SBF2: variants seen among roughly 807,000 people sequenced by gnomAD.
SBF2 encodes myotubularin-related protein 13.
Under a neutral mutation model 225.2 loss-of-function variants are expected in SBF2, and 112 were observed. The observed-to-expected ratio is 0.50, with a 90% CI of 0.43 to 0.58. The LOEUF (loss-of-function observed/expected upper bound fraction) is 0.58, where lower values mean the gene tolerates loss of function less well. SBF2 is among the 20% of genes least tolerant of loss of function. The probability of loss-of-function intolerance (pLI) is 0.00; values close to 1 mark genes in which losing one functional copy is unlikely to be tolerated. For synonymous variants in SBF2, 763 were observed against 773.3 expected (o/e 0.99, Z 0.22); for missense variants, 1,996 against 2,206.2 (o/e 0.90, Z 1.91).
At chr11:10,298,927 G>C (rs1964572140), upstream of SBF2, among the ~76,000 whole-genome samples, 1 of 152,196 alleles carries the variant, frequency 6.6e-6, no homozygotes, top group Non-Finnish European at 1.5e-5. Flanking sequence ...ATAGGTAAAA[G>C]TTAAGGACAG....
rs770839463 is a variant in SBF2, at chr11:9,784,382, C to T, written c.5288G>A (p.Arg1763His). ...TTTTGTTACATCCAAAACAAACCAA[C>T]GGGGCTTCCAACCTTTCAGCAAAGC... Reference protein sequence around the residue: ...RGALLKGWKPRWFVLDVTKHQ... With the variant: ...RGALLKGWKPHWFVLDVTKHQ... Residue 1763 changes from arginine (R) to histidine (H), a missense_variant, in exon 38 of 40, where the codon CGT becomes CAT. By Grantham distance (29) the Arg-to-His change is conservative. Coordinates refer to ENST00000256190, the MANE Select transcript of SBF2 (RefSeq NM_030962.4). 5.0e-6 allele frequency: 8 copies of T among 1,614,002 alleles called. No homozygotes were observed. The Admixed American group carries it at 5.0e-5, about 10-fold the overall frequency.
intron 1 of SBF2, among the ~76,000 whole-genome samples, chr11:10,273,813 G>T (rs1396394910): frequency 6.6e-6 from 1 of 152,186 alleles, no homozygotes; most frequent in African/African-American, 2.4e-5. Context: ...CCAGGAAAAT[G>T]GACCTCATTA....
At chr11:9,806,749 G>GA (rs778743152) in intron 32 of SBF2, among the ~76,000 whole-genome samples, 6 of 152,190 alleles carry the variant, frequency 3.9e-5, no homozygotes, top group South Asian at 2.1e-4. Flanking sequence ...TGTGTGGGGT[G>GA]AAAGGTTGGA....
intron 16 of SBF2, chr11:9,959,833 G>C (rs984743561): frequency 1.8e-5 from 10 of 563,058 alleles, no homozygotes; most frequent in Non-Finnish European, 3.1e-5. Flanking sequence ...GTAAAGGTAG[G>C]CTGCGAGAGT....
chr11:10,258,435 G>A (rs1246335997), intron 1 of SBF2, among the ~76,000 whole-genome samples: 2 of 152,140 alleles, frequency 1.3e-5, no homozygotes, highest in Non-Finnish European at 2.9e-5. Context: ...AAGATATTAA[G>A]CAGAGTTTCT....
intron 2 of SBF2, among the ~76,000 whole-genome samples, chr11:10,048,107 G>T (rs1949935654): frequency 6.6e-6 from 1 of 152,064 alleles, no homozygotes; most frequent in Non-Finnish European, 1.5e-5. Context: ...GTGGAGGATT[G>T]GTTCCAGGTC....
At position 10,132,886 on chromosome 11, in the gene SBF2, T is replaced by C. The variant is rs910152252; in HGVS notation, c.141+61016A>G. ...GATACAAAGGTTCTCCACGTCCCCATCAGATTAGTTAGATACAAAGTTTCC... is the reference window on the plus strand; with the variant it reads ...GATACAAAGGTTCTCCACGTCCCCACCAGATTAGTTAGATACAAAGTTTCC... On this transcript the variant is annotated intron_variant, in intron 2 of 39. Transcript: ENST00000256190. Among the ~76,000 whole-genome samples, 4 of 148,754 alleles carry C rather than the reference T, an allele frequency of 2.7e-5. 1 individual carries two copies. Among genetic ancestry groups the C allele is most frequent in the Non-Finnish European group, 5.9e-5 (4 of 67,458 alleles).
chr11:9,999,944 G>GAA (rs1258337906), intron 8 of SBF2, among the ~76,000 whole-genome samples: 1 of 152,124 alleles, frequency 6.6e-6, no homozygotes, highest in Admixed American at 6.5e-5. Context: ...AAAATCTTAG[G>GAA]GATCTGTGGA....
At position 9,816,846 on chromosome 11, in the gene SBF2, T is replaced by G. The variant is rs539088397; in HGVS notation, c.3972A>C (p.Gln1324His). 3.1e-6 allele frequency: 5 copies of G among 1,614,134 alleles called. No homozygotes were observed. In the African/African-American group the frequency reaches 6.7e-5, roughly 22 times the overall value. ...AALYIFGEKSQLRNFKVEFAL... is the reference protein window; with the variant it reads ...AALYIFGEKSHLRNFKVEFAL... ...GAGAAAAAAGAAATCTTACCCTTAG[T>G]TGCGACTTTTCACCAAATATGTAAA... Residue 1324 changes from glutamine (Q) to histidine (H), a missense_variant, in exon 29 of 40, where the codon CAA becomes CAC. Gln to His is a conservative substitution (Grantham distance 24). Transcript: ENST00000256190.
chr11:9,804,947 G>C (rs1305311677), intron 32 of SBF2, among the ~76,000 whole-genome samples: 1 of 151,990 alleles, frequency 6.6e-6, no homozygotes, highest in Non-Finnish European at 1.5e-5. Context: ...TTATGATCTT[G>C]TCATTTTAAA....
chr11:9,990,566 G>A lies in SBF2; in HGVS notation c.1297-971C>T, dbSNP rs531777888. On this transcript the variant is annotated intron_variant, in intron 12 of 39. Coordinates refer to ENST00000256190, the MANE Select transcript of SBF2 (RefSeq NM_030962.4). ...TAGTTCTGATGGCTCATTTTTCTTA[G>A]GCTCTTGACTGATACATACATATGA... 8.5e-5 allele frequency among the ~76,000 whole-genome samples: 13 copies of A among 152,214 alleles called. No individual in the cohort carries two copies. In the South Asian group the frequency reaches 2.1e-3, roughly 24 times the overall value.
At chr11:10,234,918 C>T (rs1959004131) in intron 1 of SBF2, among the ~76,000 whole-genome samples, 1 of 152,130 alleles carries the variant, frequency 6.6e-6, no homozygotes, top group Non-Finnish European at 1.5e-5. Flanking sequence ...TCTTATATGC[C>T]TCAGCCCAGA....
At chr11:10,099,810 T>C (rs774332393) in intron 2 of SBF2, among the ~76,000 whole-genome samples, 27 of 151,880 alleles carry the variant, frequency 1.8e-4, no homozygotes, top group Admixed American at 7.9e-4. Context: ...ATATGTCTTA[T>C]GAAAACCAAA....
At chr11:9,935,930 T>C (rs750127952) in intron 16 of SBF2, among the ~76,000 whole-genome samples, 1 of 152,060 alleles carries the variant, frequency 6.6e-6, no homozygotes, top group Admixed American at 6.5e-5. Context: ...CCAAAAGCAA[T>C]GGCAACAAAA....
intron 17 of SBF2, among the ~76,000 whole-genome samples, chr11:9,892,100 C>T (rs1461389816): frequency 9.2e-5 from 14 of 152,038 alleles, no homozygotes; most frequent in African/African-American, 2.2e-4. Context: ...TTGTTAAAAA[C>T]GATACTTTTA....
At chr11:10,113,317 T>C (rs1483373978) in intron 2 of SBF2, among the ~76,000 whole-genome samples, 1 of 152,126 alleles carries the variant, frequency 6.6e-6, no homozygotes, top group African/African-American at 2.4e-5. Context: ...AATAACAACA[T>C]ACATGTTCAA....
chr11:9,784,337 T>C lies in SBF2; in HGVS notation c.5319+14A>G. 6.3e-7 allele frequency: 1 copy of C among 1,599,060 alleles called. No homozygotes were observed. Among genetic ancestry groups the C allele is most frequent in the Non-Finnish European group, 8.6e-7 (1 of 1,166,286 alleles). ...CTAGACAGAAGTAATTTCTTTTGGC[T>C]TTAAGAGTATTACCTGATGTTTTGT... On this transcript the variant is annotated intron_variant, in intron 38 of 39. Transcript: ENST00000256190.
chr11:10,189,395 G>A (rs1032968127), intron 2 of SBF2, among the ~76,000 whole-genome samples: 1 of 152,110 alleles, frequency 6.6e-6, no homozygotes, highest in Non-Finnish European at 1.5e-5. Flanking sequence ...TATGTCAGAT[G>A]GATGATTGCT....
chr11:9,980,625 T>G (rs1232932051), intron 13 of SBF2, among the ~76,000 whole-genome samples: 1 of 152,012 alleles, frequency 6.6e-6, no homozygotes, highest in Non-Finnish European at 1.5e-5. Flanking sequence ...CTCACTCTGT[T>G]GCCCAGGCTG....
Sources: gnomAD v4.1 joint callset for allele counts (sites outside exome capture counted in the v4.1 genomes callset) on GRCh38, gnomAD v4.1.1 for gene constraint, MANE v1.5 for transcripts, NCBI Gene and HGNC (gene_info 2026-07-23, HGNC 2026-07-21) for gene names.